Variants in GDPD1 observed in about 807,000 individuals in gnomAD.
The protein encoded by GDPD1 is lysophospholipase D GDPD1.
GDPD1 carries 28 observed loss-of-function variants against 45.1 expected under a neutral mutation model. That is an observed-to-expected ratio of 0.62 (90% CI 0.46 to 0.85). GDPD1 has a LOEUF of 0.85. GDPD1 is among the 40% of genes least tolerant of loss of function. The pLI is 0.00. For synonymous variants in GDPD1, 139 were observed against 131.4 expected (o/e 1.06, Z -0.40); for missense variants, 256 against 364.8 (o/e 0.70, Z 2.43).
At chr17:59,224,078 T>G (rs1379003816) in intron 1 of GDPD1, among the ~76,000 whole-genome samples, 1 of 152,142 alleles carries the variant, frequency 6.6e-6, no homozygotes, top group African/African-American at 2.4e-5. Flanking sequence ...CCTAATGAAC[T>G]CAGATGTTAA....
At chr17:59,263,645 A>G (rs1257355959) in intron 6 of GDPD1, among the ~76,000 whole-genome samples, 1 of 150,926 alleles carries the variant, frequency 6.6e-6, no homozygotes, top group African/African-American at 2.4e-5. Flanking sequence ...CGCCCAGCTA[A>G]TTTTTTGTAT....
chr17:59,235,538 A>G (rs966233778), intron 2 of GDPD1, among the ~76,000 whole-genome samples: 1 of 152,164 alleles, frequency 6.6e-6, no homozygotes, highest in African/African-American at 2.4e-5. Context: ...TTGGCCAGGC[A>G]TGGTGGCTCA....
intron 4 of GDPD1, 45 bp downstream of exon 4, chr17:59,248,830 T>C: frequency 7.3e-7 from 1 of 1,375,030 alleles, no homozygotes; most frequent in Non-Finnish European, 1.0e-6. Context: ...TTGAGAAGCA[T>C]ATGTGTGTTT....
intron 1 of GDPD1, among the ~76,000 whole-genome samples, chr17:59,228,257 T>A (rs2147874282): frequency 6.6e-6 from 1 of 152,078 alleles, no homozygotes; most frequent in African/African-American, 2.4e-5. Context: ...GAAAGTTTCT[T>A]AGGTAGCTTT....
intron 4 of GDPD1, chr17:59,249,145 A>G (rs919497444): frequency 1.5e-4 from 23 of 156,194 alleles, no homozygotes; most frequent in Non-Finnish European, 3.0e-4. Context: ...TAATCCCAGC[A>G]CTTTGGGAGG....
chr17:59,268,207 G>C (rs2047413023), intron 7 of GDPD1, among the ~76,000 whole-genome samples: 1 of 152,152 alleles, frequency 6.6e-6, no homozygotes, highest in Admixed American at 6.6e-5. Context: ...TCTAGCTGTA[G>C]ATTCATAACT....
intron 2 of GDPD1, among the ~76,000 whole-genome samples, chr17:59,238,406 A>G (rs529733659): frequency 2.8e-5 from 4 of 141,470 alleles, no homozygotes; most frequent in East Asian, 2.1e-4. Flanking sequence ...TGGCTCTTCT[A>G]TTATTTTTTA....
intron 6 of GDPD1, among the ~76,000 whole-genome samples, chr17:59,259,067 G>T (rs1441853339): frequency 6.6e-6 from 1 of 151,274 alleles, no homozygotes; most frequent in Non-Finnish European, 1.5e-5. Context: ...TATTTAAGGG[G>T]TGAAGATTGC....
intron 2 of GDPD1, among the ~76,000 whole-genome samples, chr17:59,243,198 A>G (rs923535533): frequency 5.9e-5 from 9 of 151,924 alleles, no homozygotes; most frequent in African/African-American, 2.2e-4. Context: ...AAAAGAAAAA[A>G]AAAATTATTC....
In GDPD1 at chr17:59,255,850, T is replaced by TATATAC. The variant is rs1158828340; in HGVS notation, c.368-1271_368-1270insTATACA. On this transcript the variant is annotated intron_variant, in intron 4 of 9. Transcript: ENST00000284116. ...ATACGCGTATATATATATATATATA[T>TATATAC]ACACACGTATATATATATATATATA... Among the ~76,000 whole-genome samples the TATATAC allele has an allele frequency of 8.2e-4, 61 of 74,304 alleles. 1 individual carries two copies. The highest frequency in any genetic ancestry group is 4.2e-3 in the African/African-American group (59 of 14,168). 48.7% of individuals were successfully genotyped at this position (74,304 alleles called of 152,430 possible). A position where few individuals can be genotyped will look rare whatever the true frequency, so the allele number is the denominator to read the frequency against.
intron 2 of GDPD1, among the ~76,000 whole-genome samples, chr17:59,244,080 C>T (rs1345642577): frequency 6.6e-6 from 1 of 152,186 alleles, no homozygotes; most frequent in Non-Finnish European, 1.5e-5. Flanking sequence ...TATTAAAAAG[C>T]TTTAGAGCAG....
chr17:59,252,663 A>C (rs1229858285), intron 4 of GDPD1, among the ~76,000 whole-genome samples: 2 of 151,678 alleles, frequency 1.3e-5, no homozygotes, highest in African/African-American at 4.8e-5. Context: ...GTGCCACTGC[A>C]CTCCAGCCTG....
chr17:59,271,020 G>T (rs1436167323), intron 8 of GDPD1, 25 bp downstream of exon 8: 1 of 1,333,760 alleles, frequency 7.5e-7, no homozygotes, highest in Non-Finnish European at 1.1e-6. Flanking sequence ...TTCTTAATAT[G>T]CAAGTTATTG....
intron 1 of GDPD1, among the ~76,000 whole-genome samples, chr17:59,230,527 C>T (rs1404579694): frequency 3.3e-5 from 5 of 151,776 alleles, no homozygotes; most frequent in Non-Finnish European, 7.4e-5. Context: ...GGATTACAGG[C>T]ATGCGCCACC....
At chr17:59,240,409 C>T (rs77714473) in intron 2 of GDPD1, among the ~76,000 whole-genome samples, 140 of 151,870 alleles carry the variant, frequency 9.2e-4, no homozygotes, top group Admixed American at 2.0e-3. Context: ...GGTATTATTA[C>T]GAAAGAGTCA....
chr17:59,261,245 T>G (rs919555361), intron 6 of GDPD1, among the ~76,000 whole-genome samples: 2 of 151,992 alleles, frequency 1.3e-5, no homozygotes, highest in African/African-American at 4.8e-5. Context: ...GTATTACAAG[T>G]GTAAGCCACC....
At chr17:59,241,036 TTTAG>T (rs2047171382) in intron 2 of GDPD1, among the ~76,000 whole-genome samples, 1 of 152,204 alleles carries the variant, frequency 6.6e-6, no homozygotes, top group Non-Finnish European at 1.5e-5. Flanking sequence ...GCCTGTAGTA[TTTAG>T]TACAGTAATG....
intron 2 of GDPD1, among the ~76,000 whole-genome samples, chr17:59,240,326 G>GA (rs201715672): frequency 0.024 from 3,600 of 151,356 alleles, 150 homozygotes; most frequent in African/African-American, 0.083. Flanking sequence ...ATGTTAAATA[G>GA]AAAAAAACTT....
Position 59,250,359 on chromosome 17 carries a change from A to C in GDPD1, c.367+1574A>C, listed in dbSNP as rs572418453. 8.5e-5 allele frequency among the ~76,000 whole-genome samples: 13 copies of C among 152,260 alleles called. No homozygotes were observed. The South Asian group carries it at 2.7e-3, about 32-fold the overall frequency. ...AAATCCAGCAGATGTGGTGGCTCAC[A>C]CCTATAATCTCAGCACTTTGAGAGG... On this transcript the variant is annotated intron_variant, in intron 4 of 9. Transcript: ENST00000284116.
Sources: gnomAD v4.1 joint callset for allele counts (sites outside exome capture counted in the v4.1 genomes callset) on GRCh38, gnomAD v4.1.1 for gene constraint, MANE v1.5 for transcripts, NCBI Gene and HGNC (gene_info 2026-07-23, HGNC 2026-07-21) for gene names.